Variants in TTC39B observed in about 807,000 individuals in gnomAD.
TTC39B encodes the protein tetratricopeptide repeat domain 39B, also known as tetratricopeptide repeat protein 39B.
TTC39B carries 92 observed loss-of-function variants against 96.6 expected under a neutral mutation model. The observed-to-expected ratio is 0.95, with a 90% CI of 0.80 to 1.13. TTC39B has a LOEUF of 1.13. Ranked by LOEUF, TTC39B falls within the 50% of genes most tolerant of loss-of-function variation. The pLI is 0.00. For synonymous variants in TTC39B, 367 were observed against 299.4 expected, an observed-to-expected ratio of 1.23 and a Z score of -2.33; for missense variants, 955 against 809.3, an observed-to-expected ratio of 1.18 and a Z score of -2.18.
chr9:15,238,098 T>C (rs983292757), intron 2 of TTC39B, among the ~76,000 whole-genome samples: 3 of 151,968 alleles, frequency 2.0e-5, no homozygotes, highest in Non-Finnish European at 2.9e-5. Flanking sequence ...AAACCAGGCA[T>C]CAAAGAAACA....
chr9:15,234,516 C>A (rs1438513078), intron 2 of TTC39B, among the ~76,000 whole-genome samples: 1 of 152,094 alleles, frequency 6.6e-6, no homozygotes, highest in African/African-American at 2.4e-5. Context: ...GCCACCACCC[C>A]GTCTGGGAGG....
intron 2 of TTC39B, among the ~76,000 whole-genome samples, chr9:15,252,420 G>A (rs919813717): frequency 1.1e-4 from 16 of 152,134 alleles, no homozygotes; most frequent in African/African-American, 3.6e-4. Context: ...AGGCCGAGAC[G>A]GGCGGATCAT....
intron 13 of TTC39B, 83 bp from the exon 14 acceptor site, chr9:15,188,215 A>G (rs1173543917): frequency 1.3e-5 from 18 of 1,400,008 alleles, no homozygotes; most frequent in Non-Finnish European, 1.6e-5. Flanking sequence ...TAAAACACTT[A>G]GTACAAAAAG....
At chr9:15,216,136 G>T (rs1564356261) in intron 3 of TTC39B, among the ~76,000 whole-genome samples, 1 of 152,034 alleles carries the variant, frequency 6.6e-6, no homozygotes, top group Non-Finnish European at 1.5e-5. Flanking sequence ...CCTGTCTCAG[G>T]GTTTTTTCTC....
chr9:15,185,626 G>A, intron 15 of TTC39B: 1 of 498,656 alleles, frequency 2.0e-6, no homozygotes, highest in Non-Finnish European at 3.4e-6. Context: ...AAGCCCTCCA[G>A]GTGATTCTGA....
At chr9:15,260,895 TCC>T (rs1486112142) in intron 2 of TTC39B, among the ~76,000 whole-genome samples, 1 of 152,134 alleles carries the variant, frequency 6.6e-6, no homozygotes, top group Non-Finnish European at 1.5e-5. Context: ...GACACATACA[TCC>T]CCACTGTATT....
intron 19 of TTC39B, among the ~76,000 whole-genome samples, chr9:15,174,013 G>T (rs530827562): frequency 2.0e-5 from 3 of 152,104 alleles, no homozygotes; most frequent in Non-Finnish European, 2.9e-5. Context: ...TACCTAGTTG[G>T]TTGATTTCTG....
chr9:15,279,542 C>T (rs1029475330), intron 1 of TTC39B, among the ~76,000 whole-genome samples: 2 of 152,196 alleles, frequency 1.3e-5, no homozygotes, highest in African/African-American at 4.8e-5. Flanking sequence ...TCCTTAGGAC[C>T]TCAATTTCCC....
At chr9:15,239,392 T>G (rs981059021) in intron 2 of TTC39B, among the ~76,000 whole-genome samples, 2 of 152,226 alleles carry the variant, frequency 1.3e-5, no homozygotes, top group Non-Finnish European at 2.9e-5. Flanking sequence ...TGCTACCATT[T>G]GAGACAGCAA....
chr9:15,270,181 A>G (rs1823290257), intron 1 of TTC39B, among the ~76,000 whole-genome samples: 1 of 152,116 alleles, frequency 6.6e-6, no homozygotes, highest in Non-Finnish European at 1.5e-5. Flanking sequence ...AGGAAAAAAA[A>G]AAAAAGTTGT....
chr9:15,287,495 C>A (rs188513581), intron 1 of TTC39B, among the ~76,000 whole-genome samples: 35 of 152,300 alleles, frequency 2.3e-4, no homozygotes, highest in African/African-American at 8.4e-4. Flanking sequence ...AGGCATGTCA[C>A]ATGTCCCTCT....
intron 2 of TTC39B, among the ~76,000 whole-genome samples, chr9:15,266,791 G>A (rs1823147886): frequency 6.6e-6 from 1 of 152,022 alleles, no homozygotes; most frequent in Non-Finnish European, 1.5e-5. Context: ...TATAAGAAAG[G>A]ACATCAGGCA....
chr9:15,266,889 C>T (rs1331791906), intron 2 of TTC39B, among the ~76,000 whole-genome samples: 1 of 152,090 alleles, frequency 6.6e-6, no homozygotes, highest in African/African-American at 2.4e-5. Flanking sequence ...ACCATCCTGG[C>T]TAACATGGTG....
intron 17 of TTC39B, among the ~76,000 whole-genome samples, chr9:15,178,252 C>T (rs553653765): frequency 1.3e-5 from 2 of 152,120 alleles, no homozygotes; most frequent in South Asian, 2.1e-4. Context: ...TGTTATGCCT[C>T]ACTAAATAAA....
chr9:15,291,894 T>C (rs904310304), intron 1 of TTC39B, among the ~76,000 whole-genome samples: 3 of 152,216 alleles, frequency 2.0e-5, no homozygotes, highest in Non-Finnish European at 2.9e-5. Context: ...TTGCTGCCAA[T>C]GTGCCTTTGA....
chr9:15,285,716 T>A (rs1002001950), intron 1 of TTC39B, among the ~76,000 whole-genome samples: 3 of 151,596 alleles, frequency 2.0e-5, no homozygotes, highest in African/African-American at 2.4e-5. Flanking sequence ...TTAGCCGGGC[T>A]TGGTGGCGGG....
chr9:15,288,452 C>G (rs554831162), intron 1 of TTC39B, among the ~76,000 whole-genome samples: 4 of 152,234 alleles, frequency 2.6e-5, no homozygotes, highest in South Asian at 2.1e-4. Flanking sequence ...TGAATGTCGT[C>G]GAGAGGAGTT....
chr9:15,290,927 G>A (rs1459222373), intron 1 of TTC39B, among the ~76,000 whole-genome samples: 1 of 152,166 alleles, frequency 6.6e-6, no homozygotes, highest in African/African-American at 2.4e-5. Flanking sequence ...ATTGAGATCT[G>A]TCTCAGACAT....
At chr9:15,217,664 T>C (rs1349892586) in intron 3 of TTC39B, among the ~76,000 whole-genome samples, 5 of 152,188 alleles carry the variant, frequency 3.3e-5, no homozygotes, top group African/African-American at 7.2e-5. Context: ...ACTTCAGATC[T>C]GAATTCTGAA....
Sources: gnomAD v4.1 joint callset for allele counts (sites outside exome capture counted in the v4.1 genomes callset) on GRCh38, gnomAD v4.1.1 for gene constraint, MANE v1.5 for transcripts, NCBI Gene and HGNC (gene_info 2026-07-23, HGNC 2026-07-21) for gene names.